Variants in PDZD2 observed in about 807,000 individuals in gnomAD.
The protein encoded by PDZD2 is PDZ domain containing 2.
Under a neutral mutation model 220.7 loss-of-function variants are expected in PDZD2, and 90 were observed. That is an observed-to-expected ratio of 0.41 (90% CI 0.34 to 0.49). The LOEUF is 0.49. PDZD2 is among the 20% of genes least tolerant of loss of function. PDZD2 has a pLI of 0.28. For synonymous variants in PDZD2, 1,375 were observed against 1,450.5 expected (o/e 0.95, Z 1.18); for missense variants, 3,174 against 3,608.5 (o/e 0.88, Z 3.08).
At chr5:31,840,431 T>TAC in intron 2 of PDZD2, 1 of 98,200 alleles carries the variant, frequency 1.0e-5, no homozygotes, top group Non-Finnish European at 1.9e-5. Context: ...TATATATATA[T>TAC]ATATATATAT....
intron 2 of PDZD2, among the ~76,000 whole-genome samples, chr5:31,844,446 T>C (rs1258978647): frequency 2.6e-5 from 4 of 152,328 alleles, no homozygotes; most frequent in Non-Finnish European, 4.4e-5. Flanking sequence ...AATGTGCATA[T>C]GTTTTGTTTT....
intron 11 of PDZD2, 74 bp downstream of exon 11, chr5:32,057,802 TTG>T: frequency 7.0e-7 from 1 of 1,434,766 alleles, no homozygotes; most frequent in Non-Finnish European, 9.7e-7. Context: ...GTTTGGTGAG[TTG>T]TTTTTTTTTT....
intron 1 of PDZD2, among the ~76,000 whole-genome samples, chr5:31,650,392 C>G (rs532542292): frequency 6.6e-6 from 1 of 152,174 alleles, no homozygotes; most frequent in Non-Finnish European, 1.5e-5. Flanking sequence ...TTCCCAACCA[C>G]GATTCCATAC....
rs1278713371 is a variant in PDZD2, at chr5:31,639,890, C to T, written c.-361+453C>T. Among the ~76,000 whole-genome samples the T allele has an allele frequency of 6.6e-6, 1 of 152,068 alleles. No homozygotes were observed. Among genetic ancestry groups the T allele is most frequent in the African/African-American group, 2.4e-5 (1 of 41,420 alleles). ...ATCCTCCCTCGGGCTTGTTTCATCT[C>T]TCAACCCCCGCCTCTTTGCCCAGAT... On this transcript the variant is annotated intron_variant, in intron 1 of 24. Coordinates refer to ENST00000438447, the MANE Select transcript of PDZD2 (RefSeq NM_178140.4). This position sits in a 1 kb window ranked among gnomAD's most constrained non-coding sequence, Gnocchi z 4.1.
intron 9 of PDZD2, among the ~76,000 whole-genome samples, 199 bp downstream of exon 9, chr5:32,052,929 A>C (rs1212381619): frequency 6.6e-6 from 1 of 152,126 alleles, no homozygotes; most frequent in African/African-American, 2.4e-5. Flanking sequence ...TCCCACCTCG[A>C]CTTCCCAAAG....
chr5:31,979,490 GA>G (rs1750094907), intron 2 of PDZD2, among the ~76,000 whole-genome samples: 2 of 151,328 alleles, frequency 1.3e-5, no homozygotes, highest in Admixed American at 6.6e-5. Flanking sequence ...TGAGGCAGGA[GA>G]ACCCCTTGAA....
At chr5:32,060,108 T>G (rs1270873737) in intron 13 of PDZD2, among the ~76,000 whole-genome samples, 1 of 152,200 alleles carries the variant, frequency 6.6e-6, no homozygotes, top group Non-Finnish European at 1.5e-5. Flanking sequence ...TTCATTGAGG[T>G]TGCCATTTTG....
At chr5:31,697,793 C>G (rs191902281) in intron 1 of PDZD2, among the ~76,000 whole-genome samples, 1 of 152,178 alleles carries the variant, frequency 6.6e-6, no homozygotes, top group Non-Finnish European at 1.5e-5. Flanking sequence ...AGCCACGAGA[C>G]CTTTGGGTCT....
intron 2 of PDZD2, among the ~76,000 whole-genome samples, chr5:31,857,074 T>C (rs1758517923): frequency 6.6e-6 from 1 of 152,104 alleles, no homozygotes. Flanking sequence ...TCTCAAACTC[T>C]TGGGCTGCCT....
intron 2 of PDZD2, among the ~76,000 whole-genome samples, chr5:31,940,589 T>C (rs537644793): frequency 6.6e-6 from 1 of 152,316 alleles, no homozygotes; most frequent in East Asian, 1.9e-4. Context: ...GATCACCCTA[T>C]AGTCTGTATT....
Position 32,095,430 on chromosome 5 carries a change from T to G in PDZD2, c.7846-1849T>G, listed in dbSNP as rs28706135. Among the ~76,000 whole-genome samples the G allele has an allele frequency of 1.3e-3, 202 of 152,308 alleles. 1 individual carries two copies. Among genetic ancestry groups the G allele is most frequent in the African/African-American group, 4.7e-3 (196 of 41,582 alleles). ...GAGTATGGTTTGCAGGTACTAAAAATAGAACTGCACAAAACTATTTTCTGT... is the reference window on the plus strand; with the variant it reads ...GAGTATGGTTTGCAGGTACTAAAAAGAGAACTGCACAAAACTATTTTCTGT... On this transcript the variant is annotated intron_variant, in intron 21 of 24. Transcript: ENST00000438447.
intron 1 of PDZD2, among the ~76,000 whole-genome samples, chr5:31,724,430 C>T (rs867788689): frequency 5.9e-5 from 9 of 152,010 alleles, no homozygotes; most frequent in Middle Eastern, 3.4e-3. Context: ...GGAGAAACCC[C>T]GTCTCTACTA....
At position 31,738,097 on chromosome 5, in the gene PDZD2, A is replaced by G. The variant is rs575204332; in HGVS notation, c.-360-60792A>G. Among the ~76,000 whole-genome samples, 8 of 152,318 alleles carry G rather than the reference A, an allele frequency of 5.3e-5. 1 individual carries two copies. In the South Asian group the frequency reaches 1.7e-3, roughly 32 times the overall value. On this transcript the variant is annotated intron_variant, in intron 1 of 24. Coordinates refer to ENST00000438447, the MANE Select transcript of PDZD2 (RefSeq NM_178140.4). ...GAGATCACAAGATATGAAATCTACA[A>G]TGTATTCAGATCATGGGAATTTTTC...
chr5:31,793,749 G>C (rs1219519826), intron 1 of PDZD2, among the ~76,000 whole-genome samples: 1 of 152,220 alleles, frequency 6.6e-6, no homozygotes, highest in Non-Finnish European at 1.5e-5. Context: ...GGAGGTTGCA[G>C]TGAGCCCAGA....
chr5:31,712,413 G>T (rs1410652623), intron 1 of PDZD2, among the ~76,000 whole-genome samples: 1 of 151,538 alleles, frequency 6.6e-6, no homozygotes, highest in Non-Finnish European at 1.5e-5. Context: ...AGAGCTGGAC[G>T]ACTGGGTTCA....
intron 1 of PDZD2, among the ~76,000 whole-genome samples, chr5:31,669,335 G>A (rs1305827632): frequency 6.7e-6 from 1 of 148,904 alleles, no homozygotes; most frequent in Non-Finnish European, 1.5e-5. Flanking sequence ...CCAGGAGTTT[G>A]AGGCTGCAGT....
intron 6 of PDZD2, among the ~76,000 whole-genome samples, chr5:32,029,764 A>G (rs1280985041): frequency 1.3e-5 from 2 of 152,248 alleles, no homozygotes; most frequent in Non-Finnish European, 2.9e-5. Context: ...AATTCCATGT[A>G]ACAACAGCCT....
At chr5:32,007,255 CA>C (rs1752904012) in intron 5 of PDZD2, among the ~76,000 whole-genome samples, 1 of 151,898 alleles carries the variant, frequency 6.6e-6, no homozygotes, top group African/African-American at 2.4e-5. Flanking sequence ...TCAACTGATC[CA>C]CCCGCCACAG....
chr5:32,072,801 G>A (rs187034542), intron 17 of PDZD2, among the ~76,000 whole-genome samples: 1 of 152,236 alleles, frequency 6.6e-6, no homozygotes. Flanking sequence ...TATAGTCAGG[G>A]GTGGATGGTG....
Sources: gnomAD v4.1 joint callset for allele counts (sites outside exome capture counted in the v4.1 genomes callset) on GRCh38, gnomAD v4.1.1 for gene constraint, Gnocchi (gnomAD v3.1) non-coding constraint, MANE v1.5 for transcripts, NCBI Gene and HGNC (gene_info 2026-07-23, HGNC 2026-07-21) for gene names.